Variants in CYP4F8 observed in about 807,000 individuals in gnomAD.
CYP4F8 encodes cytochrome P450 family 4 subfamily F member 8, also known as cytochrome P450 4F8.
Under a neutral mutation model 55.0 loss-of-function variants are expected in CYP4F8, and 56 were observed. The observed-to-expected ratio is 1.02, with a 90% confidence interval of 0.82 to 1.27. The LOEUF (loss-of-function observed/expected upper bound fraction) is 1.27. CYP4F8 is among the 50% of genes most tolerant of loss of function. CYP4F8 has a pLI of 0.00. For missense variants in CYP4F8, 680 were observed against 682.4 expected, an observed-to-expected ratio of 1.00 and a Z score of 0.04; for synonymous variants, 288 against 267.3, an observed-to-expected ratio of 1.08 and a Z score of -0.76.
intron 3 of CYP4F8, chr19:15,618,753 C>A: frequency 4.5e-6 from 1 of 221,824 alleles, no homozygotes; most frequent in Non-Finnish European, 9.0e-6. Flanking sequence ...ATTTCCATGA[C>A]ATTCACCTCT....
At chr19:15,622,829 G>A (rs1972211369) in intron 6 of CYP4F8, 1 of 505,236 alleles carries the variant, frequency 2.0e-6, no homozygotes. Flanking sequence ...TCTGAGTTTG[G>A]TGGAGAAAAT....
In CYP4F8 at chr19:15,623,116, A is replaced by G. The variant is rs867370401; in HGVS notation, c.659A>G (p.Glu220Gly). 5 of 1,613,844 alleles carry G rather than the reference A, an allele frequency of 3.1e-6. No homozygotes were observed. Among genetic ancestry groups the G allele is most frequent in the African/African-American group, 1.3e-5 (1 of 74,994 alleles). Residue 220 changes from glutamate to glycine, a missense_variant, in exon 7 of 13, where the codon GAA becomes GGA. By Grantham distance (98) the Glu-to-Gly change is moderately conservative. Transcript: ENST00000612078. ...FDSNCQEKPS[E>G]YITAIMELSA... Reference sequence around the variant, plus strand: ...GACTGGCCCTGCAGGAAGCCCAGTGAATATATTACTGCGATCATGGAGCTC... The same window carrying G: ...GACTGGCCCTGCAGGAAGCCCAGTGGATATATTACTGCGATCATGGAGCTC...
chr19:15,615,531 C>T, intron 1 of CYP4F8, 85 bp from the exon 2 acceptor site: 1 of 1,446,870 alleles, frequency 6.9e-7, no homozygotes. Flanking sequence ...TGCTCTTAAC[C>T]ATGTTTACCC....
intron 5 of CYP4F8, among the ~76,000 whole-genome samples, chr19:15,621,018 G>T (rs943623369): frequency 6.6e-6 from 1 of 152,178 alleles, no homozygotes; most frequent in Non-Finnish European, 1.5e-5. Flanking sequence ...TGTGCATCTT[G>T]TTGGTTTGGA....
intron 2 of CYP4F8, 53 bp from the exon 3 acceptor site, chr19:15,617,947 C>G: frequency 6.3e-7 from 1 of 1,595,096 alleles, no homozygotes; most frequent in Admixed American, 1.7e-5. Context: ...TCTGGGCATC[C>G]CTTAACCCAG....
At chr19:15,622,185 G>A (rs756107315) in intron 5 of CYP4F8, 34 bp from the exon 6 acceptor site, 2 of 1,600,882 alleles carry the variant, frequency 1.2e-6, no homozygotes. Flanking sequence ...AGGAGCCAAG[G>A]CCTGGCCCCA....
At chr19:15,624,200 C>A in intron 9 of CYP4F8, 106 bp downstream of exon 9, 1 of 1,515,058 alleles carries the variant, frequency 6.6e-7, no homozygotes. Flanking sequence ...GATGATTCTG[C>A]CATTGTTGCC....
intron 7 of CYP4F8, 142 bp downstream of exon 7, chr19:15,623,517 TTAGAGGTGATTG>T: frequency 9.5e-7 from 1 of 1,050,150 alleles, no homozygotes; most frequent in South Asian, 1.8e-5. Context: ...CAGATAAATT[TTAGAGGTGATTG>T]CATAGAAAGC....
At chr19:15,628,928 C>T in intron 12 of CYP4F8, 85 bp downstream of exon 12, 3 of 1,426,326 alleles carry the variant, frequency 2.1e-6, no homozygotes, top group African/African-American at 2.9e-5. Flanking sequence ...TGTAGGACCA[C>T]GTGTTTCTGT....
At position 15,623,375 on chromosome 19, in the gene CYP4F8, G is replaced by A; in HGVS notation, c.918G>A (p.Glu306=). Residue 306 remains glutamate (E), a splice_region_variant and synonymous_variant, in exon 7 of 13, where the codon GAG becomes GAA. Coordinates refer to ENST00000612078, the MANE Select transcript of CYP4F8 (RefSeq NM_007253.4). The part of the protein sequence containing the change: ...LDFIDVLLLS[E]DKNGKELSDE... ...TTATTGATGTGCTCCTGCTGAGCGA[G>A]GTGGGCCTCTCTGGGATCTGAATTC... is the stretch of plus-strand genomic sequence containing the variant. 6.2e-7 allele frequency: 1 copy of A among 1,612,850 alleles called. No individual in the cohort carries two copies. Among genetic ancestry groups the A allele is most frequent in the Non-Finnish European group, 8.5e-7 (1 of 1,178,924 alleles).
At chr19:15,627,499 C>T (rs1404527807) in intron 9 of CYP4F8, 1 of 151,376 alleles carries the variant, frequency 6.6e-6, no homozygotes, top group African/African-American at 2.4e-5. Context: ...ATTGACCTAG[C>T]CCTTGATGAA....
chr19:15,616,617 C>G (rs375256197), intron 2 of CYP4F8, among the ~76,000 whole-genome samples: 1 of 152,142 alleles, frequency 6.6e-6, no homozygotes, highest in African/African-American at 2.4e-5. Context: ...CTATACACCC[C>G]CTACCCTCAC....
At chr19:15,626,173 G>A (rs186062239) in intron 9 of CYP4F8, among the ~76,000 whole-genome samples, 1 of 152,296 alleles carries the variant, frequency 6.6e-6, no homozygotes, top group Admixed American at 6.5e-5. Context: ...CCAGTGCAAT[G>A]ACCATCTTTG....
intron 9 of CYP4F8, among the ~76,000 whole-genome samples, chr19:15,626,736 G>A (rs1449245432): frequency 6.6e-6 from 1 of 152,152 alleles, no homozygotes; most frequent in African/African-American, 2.4e-5. Context: ...TAATTTGCAT[G>A]CGTATTTATC....
At chr19:15,626,851 T>C (rs1972269480) in intron 9 of CYP4F8, among the ~76,000 whole-genome samples, 1 of 152,220 alleles carries the variant, frequency 6.6e-6, no homozygotes, top group African/African-American at 2.4e-5. Flanking sequence ...TAATTTTACC[T>C]TTCTCATAAA....
At chr19:15,616,883 C>T (rs1448961341) in intron 2 of CYP4F8, among the ~76,000 whole-genome samples, 1 of 152,128 alleles carries the variant, frequency 6.6e-6, no homozygotes, top group Non-Finnish European at 1.5e-5. Flanking sequence ...TGGGTGTGTC[C>T]ACAGGTGCAG....
chr19:15,616,322 A>C (rs1972121913), intron 2 of CYP4F8, among the ~76,000 whole-genome samples: 1 of 148,062 alleles, frequency 6.8e-6, no homozygotes, highest in Admixed American at 6.7e-5. Flanking sequence ...TTGCTCACTC[A>C]TTCCTCTGCT....
At chr19:15,621,260 G>T (rs7256985) in intron 5 of CYP4F8, among the ~76,000 whole-genome samples, 70,773 of 152,046 alleles carry the variant, frequency 0.47, 17,232 homozygotes, top group Non-Finnish European at 0.54. Context: ...CCTCAGGGTT[G>T]ACCGGGTGTG....
intron 2 of CYP4F8, among the ~76,000 whole-genome samples, chr19:15,616,097 C>CTCCTCACTCACTCATTCCTCA (rs1555736595): frequency 3.1e-5 from 2 of 64,400 alleles, no homozygotes; most frequent in Non-Finnish European, 6.5e-5. Context: ...CACTCATTCT[C>CTCCTCACTCACTCATTCCTCA]CTCACTCATT....
Sources: gnomAD v4.1 joint callset for allele counts (sites outside exome capture counted in the v4.1 genomes callset) on GRCh38, gnomAD v4.1.1 for gene constraint, MANE v1.5 for transcripts, NCBI Gene and HGNC (gene_info 2026-07-23, HGNC 2026-07-21) for gene names.